UPF3B: variants seen among roughly 807,000 people sequenced by gnomAD.
UPF3B encodes regulator of nonsense transcripts 3B.
A neutral mutation model predicts 40.3 loss-of-function variants in UPF3B; 7 were observed. The ratio of observed to expected loss-of-function variants is 0.17; its 90% CI spans 0.10 to 0.33. The LOEUF (loss-of-function observed/expected upper bound fraction) is 0.33, where lower values mean the gene tolerates loss of function less well. UPF3B is among the 10% of genes least tolerant of loss of function. The pLI is 1.00. For synonymous variants in UPF3B, 117 were observed against 117.3 expected (o/e 1.00, Z 0.01); for missense variants, 229 against 358.9 (o/e 0.64, Z 2.93).
intron 1 of UPF3B, among the ~76,000 whole-genome samples, chrX:119,852,165 A>AT (rs1371608744): frequency 4.5e-5 from 5 of 111,280 alleles, no homozygotes; most frequent in African/African-American, 1.3e-4. Context: ...TCGATCACCC[A>AT]TTTTTTAACA....
intron 9 of UPF3B, 143 bp downstream of exon 9, chrX:119,838,224 A>G: frequency 1.1e-6 from 1 of 902,261 alleles, no homozygotes; most frequent in Non-Finnish European, 1.6e-6. Context: ...CCAGATTAAG[A>G]TACAAGAATA....
chrX:119,812,927 C>T (rs2052908274), intron 5 of UPF3B, among the ~76,000 whole-genome samples: 1 of 111,193 alleles, frequency 9.0e-6, no homozygotes, highest in Non-Finnish European at 1.9e-5. Context: ...TTCTTGTCTT[C>T]CTTAGCCTCT....
intron 3 of UPF3B, among the ~76,000 whole-genome samples, chrX:119,850,905 A>AT (rs931418993): frequency 1.3e-4 from 14 of 111,509 alleles, no homozygotes; most frequent in African/African-American, 4.2e-4. Flanking sequence ...CGCCTGGCTA[A>AT]TTTTTTTAGC....
At chrX:119,840,256 G>A (rs932459738) in intron 8 of UPF3B, among the ~76,000 whole-genome samples, 7 of 111,740 alleles carry the variant, frequency 6.3e-5, no homozygotes, top group Admixed American at 9.6e-5. Context: ...GCTGCTCACA[G>A]ATTCCCAGAT....
At chrX:119,826,559 G>A (rs1423885871) in intron 3 of UPF3B, among the ~76,000 whole-genome samples, 1 of 112,092 alleles carries the variant, frequency 8.9e-6, no homozygotes, top group African/African-American at 3.2e-5. Context: ...AATTCTGACT[G>A]AAAAATTAAA....
At chrX:119,820,861 AG>A (rs1170837781) in intron 4 of UPF3B, among the ~76,000 whole-genome samples, 1 of 111,665 alleles carries the variant, frequency 9.0e-6, no homozygotes, top group Non-Finnish European at 1.9e-5. Flanking sequence ...AGATTGTTTG[AG>A]CCCAGGCATC....
intron 3 of UPF3B, among the ~76,000 whole-genome samples, chrX:119,849,041 T>C (rs2147798515): frequency 8.9e-6 from 1 of 112,065 alleles, no homozygotes; most frequent in African/African-American, 3.2e-5. Context: ...TGTCACAGAA[T>C]GTCAAAAACA....
At chrX:119,810,732 T>C (rs1014044225) in intron 5 of UPF3B, among the ~76,000 whole-genome samples, 1 of 111,478 alleles carries the variant, frequency 9.0e-6, no homozygotes, top group Non-Finnish European at 1.9e-5. Flanking sequence ...GGGAAACCAG[T>C]AGGCATTCAC....
chrX:119,815,969 AC>A (rs2055861830), intron 4 of UPF3B, among the ~76,000 whole-genome samples: 1 of 111,009 alleles, frequency 9.0e-6, no homozygotes, highest in East Asian at 2.8e-4. Flanking sequence ...TTTAGTAGAG[AC>A]GGGGTTTCAC....
intron 4 of UPF3B, among the ~76,000 whole-genome samples, chrX:119,844,882 C>T (rs1032481256): frequency 3.6e-5 from 4 of 111,469 alleles, no homozygotes; most frequent in Admixed American, 9.5e-5. Flanking sequence ...GGATTATAGG[C>T]GTGAGCCACC....
intron 4 of UPF3B, among the ~76,000 whole-genome samples, chrX:119,822,633 G>C (rs780158799): frequency 9.0e-6 from 1 of 110,865 alleles, no homozygotes; most frequent in Admixed American, 9.7e-5. Flanking sequence ...TGGAGATAGA[G>C]CCTCCCTAGT....
chrX:119,840,750 A>G (rs1179438766), intron 7 of UPF3B, 66 bp from the exon 8 acceptor site: 1 of 1,064,878 alleles, frequency 9.4e-7, no homozygotes, highest in African/African-American at 1.8e-5. Flanking sequence ...AAAAGCTGAA[A>G]AAAAACCATA....
At chrX:119,814,365 A>T (rs1473946860) in intron 5 of UPF3B, among the ~76,000 whole-genome samples, 3 of 112,530 alleles carry the variant, frequency 2.7e-5, no homozygotes, top group African/African-American at 9.7e-5. Flanking sequence ...AGATAAGCAA[A>T]TAAAAAACTA....
chrX:119,831,129 G>A (rs753572500), downstream of UPF3B, among the ~76,000 whole-genome samples: 81 of 111,640 alleles, frequency 7.3e-4, no homozygotes, highest in South Asian at 1.5e-3. Context: ...CTTCCAATTC[G>A]GAACCTCTGA....
At chrX:119,838,626 G>GC in intron 8 of UPF3B, 99 bp from the exon 9 acceptor site, 2 of 851,865 alleles carry the variant, frequency 2.3e-6, no homozygotes, top group South Asian at 4.4e-5. Flanking sequence ...ACTAGACAAA[G>GC]CCCCCTATCT....
intron 8 of UPF3B, 89 bp from the exon 9 acceptor site, chrX:119,838,616 A>T: frequency 1.0e-6 from 1 of 952,799 alleles, no homozygotes; most frequent in Admixed American, 2.4e-5. Flanking sequence ...TAAAATTTAG[A>T]CTAGACAAAG....
In UPF3B at chrX:119,836,930, G is replaced by A. The variant is rs1370035126; in HGVS notation, c.1302+827C>T. On this transcript the variant is annotated intron_variant, in intron 10 of 10. Transcript: ENST00000276201. ...CTCCCAAAGTGCTGGGATTACAGGC[G>A]TGAGCCACCGCGCCCGGCCAGTTTT... is the stretch of plus-strand genomic sequence containing the variant. Among the ~76,000 whole-genome samples the A allele has an allele frequency of 2.9e-5, 3 of 104,363 alleles. No homozygotes were observed. In the East Asian group the frequency reaches 9.2e-4, roughly 32 times the overall value. The allele number at this position is 104,363 out of a possible 115,157, so 90.6% of individuals were successfully genotyped here.
intron 5 of UPF3B, among the ~76,000 whole-genome samples, chrX:119,813,915 G>C (rs998573074): frequency 9.0e-6 from 1 of 110,933 alleles, no homozygotes; most frequent in Admixed American, 9.7e-5. Flanking sequence ...TTTTAGCAGT[G>C]CAAGAATGGT....
chrX:119,811,199 C>G (rs2055825582), intron 5 of UPF3B, among the ~76,000 whole-genome samples: 1 of 110,647 alleles, frequency 9.0e-6, no homozygotes, highest in Non-Finnish European at 1.9e-5. Context: ...ACACAACACA[C>G]AGCAATTTTT....
Sources: gnomAD v4.1 joint callset for allele counts (sites outside exome capture counted in the v4.1 genomes callset) on GRCh38, gnomAD v4.1.1 for gene constraint, MANE v1.5 for transcripts, NCBI Gene and HGNC (gene_info 2026-07-23, HGNC 2026-07-21) for gene names.